ZNF333: variants seen among roughly 807,000 people sequenced by gnomAD.
ZNF333 encodes zinc finger protein 333.
A neutral mutation model predicts 76.1 loss-of-function variants in ZNF333; 61 were observed. That is an observed-to-expected ratio of 0.80 (90% CI 0.65 to 0.99). The LOEUF (loss-of-function observed/expected upper bound fraction) is 0.99, where lower values mean the gene tolerates loss of function less well. ZNF333 is among the 50% of genes least tolerant of loss of function. The pLI is 0.00. For missense variants in ZNF333, 717 were observed against 822.4 expected, an observed-to-expected ratio of 0.87 and a Z score of 1.57; for synonymous variants, 284 against 305.0, an observed-to-expected ratio of 0.93 and a Z score of 0.72.
chr19:14,696,731 C>CTT (rs55742444), intron 4 of ZNF333, among the ~76,000 whole-genome samples: 168 of 82,678 alleles, frequency 2.0e-3, no homozygotes, highest in African/African-American at 4.8e-3. Flanking sequence ...ACCTAATCAC[C>CTT]TTTTTTTTTT....
At chr19:14,726,633 C>T (rs778496201), downstream of ZNF333, among the ~76,000 whole-genome samples, 1 of 152,202 alleles carries the variant, frequency 6.6e-6, no homozygotes, top group African/African-American at 2.4e-5. Context: ...ATTTCTCCCA[C>T]CAGACACTCT....
At chr19:14,701,674 G>C in intron 5 of ZNF333, 2 of 985,458 alleles carry the variant, frequency 2.0e-6, no homozygotes, top group Non-Finnish European at 2.4e-6. Flanking sequence ...TCTCCTTTCA[G>C]TACAGGGCTC....
chr19:14,693,632 C>T, intron 2 of ZNF333, 138 bp downstream of exon 2: 1 of 1,072,706 alleles, frequency 9.3e-7, no homozygotes, highest in Non-Finnish European at 1.3e-6. Flanking sequence ...GCATCCTCAT[C>T]CCTGCCCTAG....
intron 4 of ZNF333, 77 bp from the exon 5 acceptor site, chr19:14,699,121 TA>T: frequency 9.1e-7 from 1 of 1,096,644 alleles, no homozygotes; most frequent in South Asian, 1.2e-5. Flanking sequence ...TATTCACATA[TA>T]TATGTGAATA....
intron 5 of ZNF333, chr19:14,701,839 C>T: frequency 2.0e-6 from 2 of 985,520 alleles, no homozygotes; most frequent in Non-Finnish European, 2.4e-6. Context: ...CCTATGGACA[C>T]ACGTTTAGAG....
intron 2 of ZNF333, among the ~76,000 whole-genome samples, 178 bp from the exon 3 acceptor site, chr19:14,694,832 A>C (rs1038437638): frequency 6.6e-6 from 1 of 152,246 alleles, no homozygotes; most frequent in East Asian, 1.9e-4. Context: ...CCATTGATGC[A>C]TTGTAAATAA....
At chr19:14,717,114 C>T (rs1179452929) in intron 10 of ZNF333, 25 bp downstream of exon 10, 1 of 1,579,552 alleles carries the variant, frequency 6.3e-7, no homozygotes, top group African/African-American at 1.3e-5. Flanking sequence ...ATCAGGTGAG[C>T]ATCAGCTCTG....
intron 4 of ZNF333, 73 bp downstream of exon 4, chr19:14,695,734 A>AT: frequency 7.5e-7 from 1 of 1,341,020 alleles, no homozygotes; most frequent in East Asian, 2.3e-5. Flanking sequence ...TGTCAAGAGC[A>AT]TTTTCAAAGG....
At chr19:14,703,442 T>A (rs528112814) in intron 5 of ZNF333, among the ~76,000 whole-genome samples, 1 of 152,290 alleles carries the variant, frequency 6.6e-6, no homozygotes, top group Admixed American at 6.5e-5. Context: ...AACAGTTTCT[T>A]TAAGTTGAGT....
At chr19:14,695,746 C>T in intron 4 of ZNF333, 85 bp downstream of exon 4, 4 of 1,199,244 alleles carry the variant, frequency 3.3e-6, no homozygotes, top group South Asian at 2.5e-5. Flanking sequence ...TTTCAAAGGC[C>T]CTTTGTTCTG....
Position 14,698,566 on chromosome 19 carries a change from CAT to C in ZNF333, c.224-632_224-631del, listed in dbSNP as rs1025814642. On this transcript the variant is annotated intron_variant, in intron 4 of 11. Transcript: ENST00000292530. The stretch of plus-strand genomic sequence containing the variant: ...TCTCAAAAATAAAAAGTAAAGAAAA[CAT>C]GTGGCTCATGCCTGTAATCCCAGCA... Among the ~76,000 whole-genome samples the C allele has an allele frequency of 8.7e-5, 13 of 148,668 alleles. No homozygotes were observed. In the South Asian group the frequency reaches 1.7e-3, roughly 19 times the overall value.
intron 9 of ZNF333, among the ~76,000 whole-genome samples, chr19:14,716,584 A>G (rs1027162303): frequency 6.6e-6 from 1 of 152,116 alleles, no homozygotes; most frequent in African/African-American, 2.4e-5. Flanking sequence ...CATCACATTT[A>G]TGTACCAACC....
intron 11 of ZNF333, among the ~76,000 whole-genome samples, chr19:14,729,735 A>G (rs1310900393): frequency 6.6e-6 from 1 of 152,216 alleles, no homozygotes; most frequent in Admixed American, 6.5e-5. Flanking sequence ...AATAAATTAT[A>G]TTCTTAAAAA....
At chr19:14,731,629 A>G (rs2042672387) in exon 12 of ZNF333, 1 of 157,090 alleles carries the variant, frequency 6.4e-6, no homozygotes. Flanking sequence ...AATCCAGCTG[A>G]GAAGCCAAAC....
rs193165183 is a variant in ZNF333 at position 14,693,782 on chromosome 19, T to G, written c.3+288T>G. Among the ~76,000 whole-genome samples the G allele has an allele frequency of 2.2e-3, 337 of 152,210 alleles. 1 individual carries two copies. Among genetic ancestry groups the G allele is most frequent in the African/African-American group, 7.6e-3 (316 of 41,564 alleles). The stretch of plus-strand genomic sequence containing the variant: ...TGGTGAGACCTATTGAAAACACATG[T>G]GGCCATAGAAATATAAATTCAGCTT... On this transcript the variant is annotated intron_variant, in intron 2 of 11. Transcript: ENST00000292530.
intron 7 of ZNF333, chr19:14,714,610 CAT>C (rs1172053701): frequency 5.3e-5 from 8 of 152,184 alleles, no homozygotes; most frequent in South Asian, 2.1e-4. Context: ...GCAGAAAACA[CAT>C]GTGGGGTCAG....
At chr19:14,713,334 G>T (rs1295399217) in intron 7 of ZNF333, among the ~76,000 whole-genome samples, 2 of 152,158 alleles carry the variant, frequency 1.3e-5, no homozygotes, top group Non-Finnish European at 2.9e-5. Context: ...AATCCTCTAT[G>T]GTTGGAAGCT....
Position 14,719,657 on chromosome 19 carries a change from G to A in ZNF333, c.*332G>A. 1 of 1,064,488 alleles carries A rather than the reference G, an allele frequency of 9.4e-7. No individual in the cohort carries two copies. Among genetic ancestry groups the A allele is most frequent in the Non-Finnish European group, 1.1e-6 (1 of 880,972 alleles). 65.9% of individuals were successfully genotyped at this position (1,064,488 alleles called of 1,614,324 possible). On this transcript the variant is annotated 3_prime_UTR_variant, in exon 12 of 12. Transcript: ENST00000292530. ...TAGAATGTTTCTATCTCTCTGGAAG[G>A]TTCCTGCATGTTATATGGCTATTTC...
At chr19:14,725,261 G>A (rs1335490883), downstream of ZNF333, among the ~76,000 whole-genome samples, 2 of 152,092 alleles carry the variant, frequency 1.3e-5, no homozygotes, top group African/African-American at 4.8e-5. Flanking sequence ...CATTCATGAG[G>A]GATTTGCCCC....
Sources: allele counts gnomAD v4.1 joint callset (sites outside exome capture counted in the v4.1 genomes callset), GRCh38; gene constraint gnomAD v4.1.1; transcripts MANE v1.5; gene names NCBI Gene and HGNC (gene_info 2026-07-23, HGNC 2026-07-21).